Variants in PPP1R15B observed in about 807,000 individuals in gnomAD.
The protein encoded by PPP1R15B is protein phosphatase 1, regulatory (inhibitor) subunit 15B.
In PPP1R15B, 31 loss-of-function variants were observed where a neutral mutation model predicts 53.9. The ratio of observed to expected loss-of-function variants is 0.58; its 90% CI spans 0.43 to 0.78. PPP1R15B has a LOEUF of 0.78. PPP1R15B is among the 30% of genes least tolerant of loss of function. The pLI, the probability that PPP1R15B is intolerant of heterozygous loss-of-function variation, is 0.00. For synonymous variants in PPP1R15B, 345 were observed against 329.1 expected (o/e 1.05, Z -0.52); for missense variants, 928 against 849.6 (o/e 1.09, Z -1.15).
Position 204,406,078 on chromosome 1 carries a change from T to C in PPP1R15B, c.*14A>G, listed in dbSNP as rs1674259265. On this transcript the variant is annotated 3_prime_UTR_variant, in exon 2 of 2. Transcript: ENST00000367188. ...AGAGGTAGTGTATGCTAGCTAGGAC[T>C]ACAGGCTGCCAACTCAACATTGCTT... 1 of 1,613,650 alleles carries C rather than the reference T, an allele frequency of 6.2e-7. No individual in the cohort carries two copies.
chr1:204,401,252 G>A (rs560335009), downstream of PPP1R15B, among the ~76,000 whole-genome samples: 22 of 152,330 alleles, frequency 1.4e-4, no homozygotes, highest in Middle Eastern at 3.4e-3. Flanking sequence ...AGTCAGCAGG[G>A]TTAGAAGAGA....
In PPP1R15B at chr1:204,404,736, A is replaced by G; in HGVS notation, c.*1356T>C. ...TCAAAACTAAGAGGTCACCTATTCT[A>G]CTTATGTTTTCCATTACCTGTGACA... On this transcript the variant is annotated 3_prime_UTR_variant, in exon 2 of 2. Transcript: ENST00000367188. 4 of 985,810 alleles carry G rather than the reference A, an allele frequency of 4.1e-6. No individual in the cohort carries two copies. The highest frequency in any genetic ancestry group is 4.8e-6 in the Non-Finnish European group (4 of 829,902). 61.1% of individuals were successfully genotyped at this position (985,810 alleles called of 1,614,324 possible).
chr1:204,411,372 G>A lies in PPP1R15B; in HGVS notation c.40C>T (p.Pro14Ser), dbSNP rs754403086. 3 of 1,613,420 alleles carry A rather than the reference G, an allele frequency of 1.9e-6. No homozygotes were observed. The highest frequency in any genetic ancestry group is 2.2e-5 in the East Asian group (1 of 44,884). ...GGCCAGAACCGGAAGCCCGCCCGAG[G>A]GCCAAGCCGTTTCCGCGATCCGCCT... is the stretch of plus-strand genomic sequence containing the variant. ...GTGGSRKRLGPRAGFRFWPPF... is the reference protein window; with the variant it reads ...GTGGSRKRLGSRAGFRFWPPF... The change falls in exon 1 of 2, where the codon CCT becomes TCT. Residue 14 changes from proline (P) to serine (S), a missense_variant. Coordinates refer to ENST00000367188, the MANE Select transcript of PPP1R15B (RefSeq NM_032833.5).
rs1674342841 is a variant in PPP1R15B at position 204,410,288 on chromosome 1, G to C, written c.1124C>G (p.Ala375Gly). 1.2e-6 allele frequency: 2 copies of C among 1,613,990 alleles called. No individual in the cohort carries two copies. Among genetic ancestry groups the C allele is most frequent in the Non-Finnish European group, 1.7e-6 (2 of 1,180,014 alleles). ...CTCAGAAGGGCTCTCTTCTTCCAAA[G>C]CAAGTGGAACCTCTGTAGTTAATAA... ...IELLTTEVPL[A>G]LEEESPSEGC... The change falls in exon 1 of 2, where the codon GCT becomes GGT. Residue 375 changes from alanine to glycine, a missense_variant. Transcript: ENST00000367188.
In PPP1R15B at chr1:204,403,911, C is replaced by T; in HGVS notation, c.*2181G>A. The stretch of plus-strand genomic sequence containing the variant: ...AAGAACTCTTAATCAAGCTTTCACT[C>T]ATTTGGTAGTGAGGTTAGAATCCCA... On this transcript the variant is annotated 3_prime_UTR_variant, in exon 2 of 2. Coordinates refer to ENST00000367188, the MANE Select transcript of PPP1R15B (RefSeq NM_032833.5). 1.0e-6 allele frequency: 1 copy of T among 985,538 alleles called. No homozygotes were observed. The highest frequency in any genetic ancestry group is 1.2e-6 in the Non-Finnish European group (1 of 829,876). 61.0% of individuals were successfully genotyped at this position (985,538 alleles called of 1,614,324 possible).
Position 204,404,617 on chromosome 1 carries a change from A to T in PPP1R15B, c.*1475T>A. ...CAGTGGAGGCAGTTCTTAGAACTGG[A>T]TAGAAATAAAATAATGACCAGGTAG... On this transcript the variant is annotated 3_prime_UTR_variant, in exon 2 of 2. Coordinates refer to ENST00000367188, the MANE Select transcript of PPP1R15B (RefSeq NM_032833.5). The T allele has an allele frequency of 1.0e-6, 1 of 985,276 alleles. No individual in the cohort carries two copies. The highest frequency in any genetic ancestry group is 5.2e-4 in the Middle Eastern group (1 of 1,910). The allele number at this position is 985,276 out of a possible 1,614,324, so 61.0% of individuals were successfully genotyped here. A position where few individuals can be genotyped will look rare whatever the true frequency, so the allele number is the denominator to read the frequency against.
Position 204,406,076 on chromosome 1 carries a change from A to G in PPP1R15B, c.*16T>C, listed in dbSNP as rs1271170786. The G allele has an allele frequency of 3.1e-6, 5 of 1,613,756 alleles. No individual in the cohort carries two copies. In the East Asian group the frequency reaches 6.7e-5, roughly 22 times the overall value. Reference sequence around the variant, plus strand: ...TAAGAGGTAGTGTATGCTAGCTAGGACTACAGGCTGCCAACTCAACATTGC... The same window carrying G: ...TAAGAGGTAGTGTATGCTAGCTAGGGCTACAGGCTGCCAACTCAACATTGC... On this transcript the variant is annotated 3_prime_UTR_variant, in exon 2 of 2. Transcript: ENST00000367188.
chr1:204,400,594 G>T (rs1249530630), downstream of PPP1R15B: 1 of 224,084 alleles, frequency 4.5e-6, no homozygotes, highest in Non-Finnish European at 7.5e-6. Context: ...CCAAAGTGCT[G>T]GGATTACAGG....
At chr1:204,408,404 G>A (rs2103446216) in intron 1 of PPP1R15B, among the ~76,000 whole-genome samples, 1 of 152,310 alleles carries the variant, frequency 6.6e-6, no homozygotes, top group Non-Finnish European at 1.5e-5. Flanking sequence ...CTGCCCTAAA[G>A]GTAAGACGTA....
At chr1:204,399,618 A>T (rs901537586), downstream of PPP1R15B, among the ~76,000 whole-genome samples, 1 of 152,148 alleles carries the variant, frequency 6.6e-6, no homozygotes, top group Non-Finnish European at 1.5e-5. Context: ...TACCAGACAC[A>T]GTTCTAGGCT....
downstream of PPP1R15B, among the ~76,000 whole-genome samples, chr1:204,400,236 C>CA (rs369757663): frequency 0.59 from 72,398 of 122,768 alleles, 21,471 homozygotes; most frequent in Non-Finnish European, 0.69. Flanking sequence ...GACACTGTCT[C>CA]AAAAAAAAAA....
At position 204,404,935 on chromosome 1, in the gene PPP1R15B, A is replaced by G. The variant is rs113151027; in HGVS notation, c.*1157T>C. ...TAAAACTTTCCAGTCATTAATCTAT[A>G]CTTCTATCCTTTCCTGAAAGTAAAG... On this transcript the variant is annotated 3_prime_UTR_variant, in exon 2 of 2. Coordinates refer to ENST00000367188, the MANE Select transcript of PPP1R15B (RefSeq NM_032833.5). 29,984 of 985,522 alleles carry G rather than the reference A, an allele frequency of 0.03. 532 individuals carry two copies. Among genetic ancestry groups the G allele is most frequent in the Middle Eastern group, 0.044 (85 of 1,912 alleles). 61.0% of individuals were successfully genotyped at this position (985,522 alleles called of 1,614,324 possible). A position where few individuals can be genotyped will look rare whatever the true frequency, so the allele number is the denominator to read the frequency against.
intron 1 of PPP1R15B, among the ~76,000 whole-genome samples, chr1:204,409,213 G>A (rs980732777): frequency 1.4e-4 from 21 of 152,190 alleles, no homozygotes; most frequent in Admixed American, 4.6e-4. Context: ...AAGCTTGTAA[G>A]GAAACAGTCC....
downstream of PPP1R15B, among the ~76,000 whole-genome samples, chr1:204,399,269 T>A (rs1230667676): frequency 6.6e-6 from 1 of 151,792 alleles, no homozygotes; most frequent in South Asian, 2.1e-4. Context: ...TTTATATATA[T>A]TAAAAAAAAG....
chr1:204,407,375 T>C (rs954138094), intron 1 of PPP1R15B, among the ~76,000 whole-genome samples: 1 of 151,984 alleles, frequency 6.6e-6, no homozygotes, highest in Non-Finnish European at 1.5e-5. Flanking sequence ...GTGATTCTAA[T>C]ATACATAATG....
downstream of PPP1R15B, among the ~76,000 whole-genome samples, chr1:204,401,107 A>G (rs909700828): frequency 4.6e-5 from 7 of 152,232 alleles, no homozygotes; most frequent in African/African-American, 1.4e-4. Context: ...ATGGTAATAC[A>G]TAACTCCTAC....
intron 1 of PPP1R15B, among the ~76,000 whole-genome samples, chr1:204,408,541 A>G (rs1013169618): frequency 3.3e-5 from 5 of 152,232 alleles, no homozygotes; most frequent in Non-Finnish European, 7.3e-5. Context: ...ATCTGAGGTC[A>G]ATAATAACTC....
Position 204,411,481 on chromosome 1 carries a change from G to A in PPP1R15B, c.-70C>T. 6.4e-7 allele frequency: 1 copy of A among 1,552,758 alleles called. No individual in the cohort carries two copies. Among genetic ancestry groups the A allele is most frequent in the South Asian group, 1.2e-5 (1 of 82,346 alleles). On this transcript the variant is annotated 5_prime_UTR_variant, in exon 1 of 2. Transcript: ENST00000367188. ...CGGCTGGAGGTCGACGGGATTCGGA[G>A]GAAGCCTACAGAGTCTCGGCCTTGC... is the stretch of plus-strand genomic sequence containing the variant.
rs2103443466 is a variant in PPP1R15B at position 204,405,175 on chromosome 1, T to C, written c.*917A>G. On this transcript the variant is annotated 3_prime_UTR_variant, in exon 2 of 2. Coordinates refer to ENST00000367188, the MANE Select transcript of PPP1R15B (RefSeq NM_032833.5). ...GAGAACATATACACCAAAACCAAAT[T>C]GCTCTGAGATGTCTCCTATTTTCTT... The C allele has an allele frequency of 1.0e-6, 1 of 985,608 alleles. No homozygotes were observed. The allele number at this position is 985,608 out of a possible 1,614,324, so 61.1% of individuals were successfully genotyped here.
Sources: allele counts gnomAD v4.1 joint callset (sites outside exome capture counted in the v4.1 genomes callset), GRCh38; gene constraint gnomAD v4.1.1; transcripts MANE v1.5; gene names NCBI Gene and HGNC (gene_info 2026-07-23, HGNC 2026-07-21).